TGM3: variants seen among roughly 807,000 people sequenced by gnomAD.
TGM3 encodes the protein transglutaminase 3.
TGM3 carries 52 observed loss-of-function variants against 73.8 expected under a neutral mutation model. The observed-to-expected ratio is 0.70, with a 90% CI of 0.56 to 0.89. TGM3 has a LOEUF of 0.89. Ranked by LOEUF, TGM3 falls within the 40% of genes least tolerant of loss-of-function variation. The pLI, the probability that TGM3 is intolerant of heterozygous loss-of-function variation, is 0.00. For missense variants in TGM3, 928 were observed against 909.9 expected, an observed-to-expected ratio of 1.02 and a Z score of -0.26; for synonymous variants, 372 against 354.9, an observed-to-expected ratio of 1.05 and a Z score of -0.54.
At chr20:2,337,648 A>T (rs1190480109) in intron 11 of TGM3, among the ~76,000 whole-genome samples, 1 of 149,088 alleles carries the variant, frequency 6.7e-6, no homozygotes, top group African/African-American at 2.5e-5. Context: ...TGAACCCGAG[A>T]GGCAGCGGTT....
Position 2,328,054 on chromosome 20 carries a change from GGGGAATC to G in TGM3, c.1088-62_1088-56del, listed in dbSNP as rs1256218363. 31 of 1,601,098 alleles carry G rather than the reference GGGGAATC, an allele frequency of 1.9e-5. No homozygotes were observed. The highest frequency in any genetic ancestry group is 1.3e-5 in the African/African-American group (1 of 74,772). On this transcript the variant is annotated intron_variant, in intron 8 of 12. Coordinates refer to ENST00000381458, the MANE Select transcript of TGM3 (RefSeq NM_003245.4). This position sits in a 1 kb window ranked among gnomAD's most constrained non-coding sequence, Gnocchi z 5.2. ...GGTTGCAGTGGTCCTGGAAGGCCCT[GGGGAATC>G]GGGCACTGGGTAGGTTGTGGCCTTG...
At chr20:2,314,170 A>G (rs2084221678) in intron 5 of TGM3, among the ~76,000 whole-genome samples, 1 of 151,248 alleles carries the variant, frequency 6.6e-6, no homozygotes, top group African/African-American at 2.4e-5. Context: ...ACCCTATCTC[A>G]AACAAACAAA....
chr20:2,326,455 G>A (rs1447084939), intron 8 of TGM3, among the ~76,000 whole-genome samples: 1 of 152,220 alleles, frequency 6.6e-6, no homozygotes, highest in Admixed American at 6.5e-5. Flanking sequence ...CAGGGGTTGG[G>A]TCCCAGGCTC....
intron 7 of TGM3, among the ~76,000 whole-genome samples, chr20:2,320,645 A>G (rs982452598): frequency 7.2e-5 from 11 of 152,084 alleles, no homozygotes; most frequent in African/African-American, 2.2e-4. Flanking sequence ...GCTCGTGCCA[A>G]TGGTTTGGCT....
At chr20:2,310,481 G>C (rs1045813996) in intron 3 of TGM3, 64 bp downstream of exon 3, 164 of 1,584,416 alleles carry the variant, frequency 1.0e-4, no homozygotes, top group Non-Finnish European at 1.3e-4. Flanking sequence ...AGGGGATGGG[G>C]GAAATGATCT....
chr20:2,321,046 T>C (rs775571619), intron 7 of TGM3, among the ~76,000 whole-genome samples: 3 of 152,116 alleles, frequency 2.0e-5, no homozygotes, highest in Non-Finnish European at 4.4e-5. Context: ...TCATGCAATC[T>C]CTCCACGGCC....
At chr20:2,320,706 T>A (rs1411262380) in intron 7 of TGM3, among the ~76,000 whole-genome samples, 1 of 152,180 alleles carries the variant, frequency 6.6e-6, no homozygotes, top group East Asian at 1.9e-4. Context: ...TGAGGACACT[T>A]TTCGGGGGAG....
Position 2,328,150 on chromosome 20 carries a change from T to C in TGM3, c.1118T>C (p.Ile373Thr), listed in dbSNP as rs749224892. The change falls in exon 9 of 13, where the codon ATT becomes ACT. Residue 373 changes from isoleucine to threonine, a missense_variant. Coordinates refer to ENST00000381458, the MANE Select transcript of TGM3 (RefSeq NM_003245.4). This position sits in a 1 kb window ranked among gnomAD's most constrained non-coding sequence, Gnocchi z 5.2. ...GVFQCGPASV[I>T]GVREGDVQLN... ...TTCCAGTGCGGCCCCGCTTCGGTCATTGGTGTTCGAGAGGGTGATGTGCAG... is the reference window on the plus strand; with the variant it reads ...TTCCAGTGCGGCCCCGCTTCGGTCACTGGTGTTCGAGAGGGTGATGTGCAG... The C allele has an allele frequency of 2.2e-5, 35 of 1,614,004 alleles. No individual in the cohort carries two copies. The highest frequency in any genetic ancestry group is 1.6e-4 in the Middle Eastern group (1 of 6,084).
In TGM3 at chr20:2,332,413, T is replaced by G. The variant is rs2076408; in HGVS notation, c.1642+103T>G. 232,478 of 1,171,096 alleles carry G rather than the reference T, an allele frequency of 0.2. 23,989 individuals carry two copies. The highest frequency in any genetic ancestry group is 0.36 in the East Asian group (14,060 of 38,930). 72.5% of individuals were successfully genotyped at this position (1,171,096 alleles called of 1,614,324 possible). Reference sequence around the variant, plus strand: ...GGGCTCCAGGTTAGTCAGCTACGAATGGAGCAGCCAGCGGCCCCTGTGGTT... The same window carrying G: ...GGGCTCCAGGTTAGTCAGCTACGAAGGGAGCAGCCAGCGGCCCCTGTGGTT... On this transcript the variant is annotated intron_variant, in intron 10 of 12. Coordinates refer to ENST00000381458, the MANE Select transcript of TGM3 (RefSeq NM_003245.4). The surrounding 1 kb of genome is among the most constrained non-coding windows in gnomAD (Gnocchi z 4.4).
chr20:2,304,732 C>T (rs987087104), intron 1 of TGM3, among the ~76,000 whole-genome samples: 7 of 152,130 alleles, frequency 4.6e-5, no homozygotes, highest in South Asian at 2.1e-4. Context: ...GGACACCCAC[C>T]GGGTGTCCTA....
intron 9 of TGM3, among the ~76,000 whole-genome samples, chr20:2,330,875 G>A (rs1013533208): frequency 2.0e-5 from 3 of 151,562 alleles, no homozygotes; most frequent in South Asian, 2.1e-4. Context: ...GCTTGGTGGC[G>A]GGCACCTGTA....
chr20:2,336,667 G>C (rs2122256892), intron 11 of TGM3, among the ~76,000 whole-genome samples: 1 of 151,548 alleles, frequency 6.6e-6, no homozygotes, highest in East Asian at 2.0e-4. Flanking sequence ...CTTCAGGATG[G>C]GGGAGTTGGT....
chr20:2,302,797 A>C (rs936335549), intron 1 of TGM3, among the ~76,000 whole-genome samples: 1 of 152,000 alleles, frequency 6.6e-6, no homozygotes, highest in Non-Finnish European at 1.5e-5. Flanking sequence ...ACAGTAGCTA[A>C]AATGTAGGGA....
In TGM3 at chr20:2,328,352, C is replaced by A. The variant is rs2084302041; in HGVS notation, c.1320C>A (p.Tyr440Ter). ...CTCGCATGGACGTCACGGACAAGTACAAGTACCCAGAAGGTAGGAGGGACG... is the reference window on the plus strand; with the variant it reads ...CTCGCATGGACGTCACGGACAAGTAAAAGTACCCAGAAGGTAGGAGGGACG... ...SNARMDVTDK[Y>*]KYPEGSDQER... The change falls in exon 9 of 13, where the codon TAC (tyrosine) becomes TAA (stop). Residue 440 changes from tyrosine to a stop codon, truncating the protein, a stop_gained. Coordinates refer to ENST00000381458, the MANE Select transcript of TGM3 (RefSeq NM_003245.4). LOFTEE classifies it high-confidence loss of function. The surrounding 1 kb of genome is among the most constrained non-coding windows in gnomAD (Gnocchi z 5.2). 1 of 1,613,978 alleles carries A rather than the reference C, an allele frequency of 6.2e-7. No homozygotes were observed. Among genetic ancestry groups the A allele is most frequent in the African/African-American group, 1.3e-5 (1 of 74,902 alleles).
At position 2,328,032 on chromosome 20, in the gene TGM3, T is replaced by G; in HGVS notation, c.1088-88T>G. 1.9e-6 allele frequency: 3 copies of G among 1,572,726 alleles called. No homozygotes were observed. The highest frequency in any genetic ancestry group is 1.7e-4 in the Middle Eastern group (1 of 5,888). On this transcript the variant is annotated intron_variant, in intron 8 of 12. Transcript: ENST00000381458. The surrounding 1 kb of genome is among the most constrained non-coding windows in gnomAD (Gnocchi z 5.2). ...TTTGGGCGGGGCAGAGGCAGGGGGT[T>G]GCAGTGGTCCTGGAAGGCCCTGGGG...
chr20:2,326,124 G>A, intron 8 of TGM3, 172 bp downstream of exon 8: 2 of 685,140 alleles, frequency 2.9e-6, no homozygotes, highest in Non-Finnish European at 5.0e-6. Context: ...GGCTCGGGCT[G>A]CTGTTTAAAT....
intron 11 of TGM3, among the ~76,000 whole-genome samples, chr20:2,337,210 A>G (rs1251501462): frequency 2.6e-5 from 4 of 152,090 alleles, no homozygotes; most frequent in Admixed American, 2.6e-4. Context: ...CTGGACTTGC[A>G]TTCTTCCCTG....
At chr20:2,303,391 G>A (rs2084161399) in intron 1 of TGM3, among the ~76,000 whole-genome samples, 6 of 152,110 alleles carry the variant, frequency 3.9e-5, no homozygotes, top group Admixed American at 2.6e-4. Flanking sequence ...AGGGGCTGGG[G>A]ATAGGCGGAA....
chr20:2,336,209 C>T (rs1441092332), intron 11 of TGM3, among the ~76,000 whole-genome samples: 1 of 151,870 alleles, frequency 6.6e-6, no homozygotes, highest in Non-Finnish European at 1.5e-5. Context: ...ACCCTGTAGC[C>T]CCTGTGCCTG....
Sources: gnomAD v4.1 joint callset for allele counts (sites outside exome capture counted in the v4.1 genomes callset) on GRCh38, gnomAD v4.1.1 for gene constraint, Gnocchi (gnomAD v3.1) non-coding constraint, MANE v1.5 for transcripts, NCBI Gene and HGNC (gene_info 2026-07-23, HGNC 2026-07-21) for gene names.